Variants in RELN observed in about 807,000 individuals in gnomAD.
The protein encoded by RELN is reelin.
A neutral mutation model predicts 427.6 loss-of-function variants in RELN; 108 were observed. The observed-to-expected ratio is 0.25, with a 90% confidence interval of 0.22 to 0.30. The LOEUF (loss-of-function observed/expected upper bound fraction) is 0.30. Ranked by LOEUF, RELN falls within the 10% of genes least tolerant of loss-of-function variation. The pLI is 1.00. For synonymous variants in RELN, 1,524 were observed against 1,513.4 expected (o/e 1.01, Z -0.16); for missense variants, 3,715 against 4,302.8 (o/e 0.86, Z 3.82).
chr7:103,945,110 A>G (rs186833788), intron 1 of RELN, among the ~76,000 whole-genome samples: 1 of 152,348 alleles, frequency 6.6e-6, no homozygotes, highest in Non-Finnish European at 1.5e-5. Context: ...TCACACAAAG[A>G]GAAGCTACAA....
chr7:103,911,579 C>T (rs1795366839), intron 2 of RELN, among the ~76,000 whole-genome samples: 1 of 150,674 alleles, frequency 6.6e-6, no homozygotes, highest in African/African-American at 2.5e-5. Context: ...GCATTATTCA[C>T]AATAGCAAAG....
chr7:103,823,668 G>T (rs527681293), intron 3 of RELN, among the ~76,000 whole-genome samples: 1 of 151,880 alleles, frequency 6.6e-6, no homozygotes, highest in African/African-American at 2.4e-5. Context: ...AATAATTATT[G>T]GTATATATGT....
At chr7:103,736,754 G>C (rs546543119) in intron 6 of RELN, among the ~76,000 whole-genome samples, 1 of 152,220 alleles carries the variant, frequency 6.6e-6, no homozygotes, top group South Asian at 2.1e-4. Flanking sequence ...TAATTCCTTT[G>C]AGTGAGCTCT....
intron 6 of RELN, 87 bp from the exon 7 acceptor site, chr7:103,728,294 T>C: frequency 8.0e-7 from 1 of 1,255,952 alleles, no homozygotes; most frequent in Non-Finnish European, 1.2e-6. Flanking sequence ...ATAATATTTA[T>C]TGTTACTCAG....
intron 10 of RELN, among the ~76,000 whole-genome samples, chr7:103,686,534 A>C (rs1833767482): frequency 6.6e-6 from 1 of 152,102 alleles, no homozygotes; most frequent in Non-Finnish European, 1.5e-5. Context: ...TGAGGAACAC[A>C]GGAAAGAGAA....
intron 4 of RELN, among the ~76,000 whole-genome samples, chr7:103,772,569 G>C (rs2116185964): frequency 6.6e-6 from 1 of 152,288 alleles, no homozygotes; most frequent in Non-Finnish European, 1.5e-5. Context: ...GTCTAGACCA[G>C]CCTGAGGGGA....
intron 3 of RELN, among the ~76,000 whole-genome samples, chr7:103,783,890 GT>G (rs1791954626): frequency 6.6e-6 from 1 of 152,134 alleles, no homozygotes; most frequent in Admixed American, 6.6e-5. Context: ...TACTTAAAGT[GT>G]TTTTAATAAC....
rs745360758 is a variant in RELN, at chr7:103,519,536, TAAAAA to T, written c.7669-25_7669-21del. On this transcript the variant is annotated intron_variant, in intron 48 of 64. Transcript: ENST00000428762. ...ACAACCCTAAGAAAAAGAAGTAAAA[TAAAAA>T]AAAGTGATAAGGAATCTCGATTGCA... 1 of 1,551,908 alleles carries T rather than the reference TAAAAA, an allele frequency of 6.4e-7. No individual in the cohort carries two copies. The highest frequency in any genetic ancestry group is 8.8e-7 in the Non-Finnish European group (1 of 1,129,966).
Position 103,749,481 on chromosome 7 carries a change from T to C in RELN, c.601A>G (p.Ile201Val), listed in dbSNP as rs867857236. ...TAGGAGTCAAAGTCATCTCTCAGGATAATGCTGTCACTATGTATTTCAGCT... is the reference window on the plus strand; with the variant it reads ...TAGGAGTCAAAGTCATCTCTCAGGACAATGCTGTCACTATGTATTTCAGCT... Reference protein sequence around the residue: ...HLAEIHSDSIILRDDFDSYHQ... With the variant: ...HLAEIHSDSIVLRDDFDSYHQ... The change falls in exon 6 of 65, where the codon ATC (isoleucine) becomes GTC (valine). Residue 201 changes from isoleucine to valine, a missense_variant. Coordinates refer to ENST00000428762, the MANE Select transcript of RELN (RefSeq NM_005045.4). 6.2e-7 allele frequency: 1 copy of C among 1,612,720 alleles called. No individual in the cohort carries two copies. The highest frequency in any genetic ancestry group is 8.5e-7 in the Non-Finnish European group (1 of 1,178,790).
intron 8 of RELN, among the ~76,000 whole-genome samples, chr7:103,709,357 G>A (rs569019265): frequency 6.6e-6 from 1 of 152,262 alleles, no homozygotes; most frequent in Admixed American, 6.5e-5. Flanking sequence ...GACAAAATAA[G>A]CTACAAGTAT....
intron 1 of RELN, among the ~76,000 whole-genome samples, chr7:103,921,708 T>C (rs117893897): frequency 6.6e-6 from 1 of 152,352 alleles, no homozygotes; most frequent in Non-Finnish European, 1.5e-5. Flanking sequence ...CAAAGACCTT[T>C]GGGTTGTGGC....
In RELN at chr7:103,522,726, G is replaced by A. The variant is rs116239783; in HGVS notation, c.7491-527C>T. Among the ~76,000 whole-genome samples the A allele has an allele frequency of 3.4e-3, 513 of 151,340 alleles. 3 individuals are homozygous for A. The highest frequency in any genetic ancestry group is 0.012 in the African/African-American group (482 of 40,748). On this transcript the variant is annotated intron_variant, in intron 47 of 64. Transcript: ENST00000428762. Reference sequence around the variant, plus strand: ...GGGAAGCTCAGGGATCTCAAGGGTCGTCCTGGGTATGGGCTAAAATCATTA... The same window carrying A: ...GGGAAGCTCAGGGATCTCAAGGGTCATCCTGGGTATGGGCTAAAATCATTA...
At chr7:103,668,289 TTA>T (rs760952300) in intron 11 of RELN, among the ~76,000 whole-genome samples, 48 of 152,288 alleles carry the variant, frequency 3.2e-4, no homozygotes, top group Middle Eastern at 3.4e-3. Flanking sequence ...TTTGTATAAT[TTA>T]TGAGAGAAGC....
intron 51 of RELN, among the ~76,000 whole-genome samples, chr7:103,504,979 G>C (rs926536790): frequency 1.3e-5 from 2 of 152,132 alleles, no homozygotes; most frequent in African/African-American, 4.8e-5. Context: ...GAAATGGGTG[G>C]AGCCCGCCTC....
intron 2 of RELN, among the ~76,000 whole-genome samples, chr7:103,903,164 A>G (rs1795118984): frequency 6.6e-6 from 1 of 152,098 alleles, no homozygotes; most frequent in Non-Finnish European, 1.5e-5. Flanking sequence ...CCTGAAGCGT[A>G]TACTTCAATC....
At chr7:103,921,211 T>C (rs58352612) in intron 1 of RELN, among the ~76,000 whole-genome samples, 22,819 of 152,140 alleles carry the variant, frequency 0.15, 3,827 homozygotes, top group African/African-American at 0.4. Flanking sequence ...AGCTATTTTA[T>C]ACAAATTAAA....
intron 19 of RELN, among the ~76,000 whole-genome samples, chr7:103,630,721 G>C (rs75998409): frequency 0.04 from 6,132 of 152,188 alleles, 167 homozygotes; most frequent in East Asian, 0.14. Context: ...GTACCATGCT[G>C]ATCGCATCCA....
rs1170858986 is a variant in RELN, at chr7:103,489,201, GGGGTGTGTGTGTGT to G, written c.9763+527_9763+540del. Among the ~76,000 whole-genome samples the G allele has an allele frequency of 9.2e-4, 108 of 117,210 alleles. 3 individuals are homozygous for G. The South Asian group carries it at 0.013, about 14-fold the overall frequency. The allele number at this position is 117,210 out of a possible 152,430, so 76.9% of individuals were successfully genotyped here. On this transcript the variant is annotated intron_variant, in intron 60 of 64. Transcript: ENST00000428762. ...AAAATGTATTTCTTTGAGTCATAAAGGGGTGTGTGTGTGTGTGTGTGTGTGTGTCCGTGTCACAG... is the reference window on the plus strand; with the variant it reads ...AAAATGTATTTCTTTGAGTCATAAAGGTGTGTGTGTGTGTCCGTGTCACAG...
intron 16 of RELN, among the ~76,000 whole-genome samples, chr7:103,649,693 C>T (rs938833903): frequency 6.6e-6 from 1 of 151,722 alleles, no homozygotes; most frequent in Admixed American, 6.6e-5. Context: ...TAAGTGGTAT[C>T]GACTTTAAAA....
Sources: gnomAD v4.1 joint callset for allele counts (sites outside exome capture counted in the v4.1 genomes callset) on GRCh38, gnomAD v4.1.1 for gene constraint, MANE v1.5 for transcripts, NCBI Gene and HGNC (gene_info 2026-07-23, HGNC 2026-07-21) for gene names.